SLC1A3: variants seen among roughly 807,000 people sequenced by gnomAD.
The protein encoded by SLC1A3 is excitatory amino acid transporter 1.
SLC1A3 carries 21 observed loss-of-function variants against 48.1 expected under a neutral mutation model. The observed-to-expected ratio is 0.44, with a 90% CI of 0.31 to 0.63. SLC1A3 has a LOEUF of 0.63. SLC1A3 is among the 20% of genes least tolerant of loss of function. The pLI, the probability that SLC1A3 is intolerant of heterozygous loss-of-function variation, is 0.08. For missense variants in SLC1A3, 546 were observed against 689.0 expected, an observed-to-expected ratio of 0.79 and a Z score of 2.32; for synonymous variants, 239 against 251.4, an observed-to-expected ratio of 0.95 and a Z score of 0.47.
At chr5:36,612,069 GCACA>G (rs528207853) in intron 2 of SLC1A3, among the ~76,000 whole-genome samples, 8 of 143,150 alleles carry the variant, frequency 5.6e-5, no homozygotes, top group South Asian at 2.2e-4. Context: ...TGGCGCACGC[GCACA>G]CACACACACA....
intron 3 of SLC1A3, chr5:36,668,928 C>G (rs1261825108): frequency 6.6e-6 from 1 of 152,212 alleles, no homozygotes; most frequent in Non-Finnish European, 1.5e-5. Context: ...GCCTTGACCA[C>G]TTAGCACTCT....
intron 2 of SLC1A3, among the ~76,000 whole-genome samples, chr5:36,624,464 G>A (rs189877416): frequency 1.2e-3 from 185 of 152,292 alleles, no homozygotes; most frequent in Non-Finnish European, 2.0e-3. Context: ...CTACTGTGGC[G>A]CCAGCCTGCC....
chr5:36,657,488 C>A (rs1741327282), intron 3 of SLC1A3, among the ~76,000 whole-genome samples: 1 of 151,784 alleles, frequency 6.6e-6, no homozygotes, highest in African/African-American at 2.4e-5. Context: ...GGTGAAGCAC[C>A]CTTATGTACT....
intron 1 of SLC1A3, among the ~76,000 whole-genome samples, chr5:36,597,309 C>G (rs982150692): frequency 1.8e-5 from 2 of 113,582 alleles, no homozygotes; most frequent in Non-Finnish European, 3.3e-5. Flanking sequence ...TGCAGTGGTG[C>G]GATCTCGGCT....
At chr5:36,634,603 AG>A (rs1353512229) in intron 3 of SLC1A3, among the ~76,000 whole-genome samples, 5 of 152,170 alleles carry the variant, frequency 3.3e-5, no homozygotes, top group African/African-American at 1.2e-4. Context: ...ATTTGTCCTT[AG>A]AAAACTCTAA....
intron 8 of SLC1A3, among the ~76,000 whole-genome samples, chr5:36,680,991 G>C (rs2111973127): frequency 6.6e-6 from 1 of 151,944 alleles, no homozygotes; most frequent in South Asian, 2.1e-4. Context: ...ACATAATCAA[G>C]AGGTGGGGAT....
chr5:36,671,777 G>T (rs1311270751), intron 4 of SLC1A3, among the ~76,000 whole-genome samples: 1 of 152,182 alleles, frequency 6.6e-6, no homozygotes, highest in Non-Finnish European at 1.5e-5. Flanking sequence ...AAAGAATAAA[G>T]GATGGCTTCT....
chr5:36,620,485 T>C (rs1456822921), intron 2 of SLC1A3, among the ~76,000 whole-genome samples: 4 of 152,180 alleles, frequency 2.6e-5, no homozygotes, highest in Admixed American at 2.6e-4. Context: ...TAGGCTACTA[T>C]GTTCAGGGAT....
chr5:36,612,385 A>T (rs1413044090), intron 2 of SLC1A3, among the ~76,000 whole-genome samples: 1 of 152,154 alleles, frequency 6.6e-6, no homozygotes, highest in Non-Finnish European at 1.5e-5. Context: ...TTCAAGATCA[A>T]TCTGGGTAAC....
intron 9 of SLC1A3, among the ~76,000 whole-genome samples, chr5:36,684,568 GC>G: frequency 6.6e-6 from 1 of 152,050 alleles, no homozygotes; most frequent in African/African-American, 2.4e-5. Flanking sequence ...CCATCCCTTC[GC>G]CCCCTTCCCT....
chr5:36,641,985 T>C (rs1334559644), intron 3 of SLC1A3, among the ~76,000 whole-genome samples: 1 of 152,328 alleles, frequency 6.6e-6, no homozygotes, highest in African/African-American at 2.4e-5. Context: ...ACTTCAAAGA[T>C]TTCAAGCCCT....
At chr5:36,639,218 GTTTC>G (rs1473681251) in intron 3 of SLC1A3, among the ~76,000 whole-genome samples, 1 of 151,882 alleles carries the variant, frequency 6.6e-6, no homozygotes, top group African/African-American at 2.4e-5. Flanking sequence ...CTCTGCCTCA[GTTTC>G]TTTATCTACA....
At chr5:36,599,527 T>TTTTTTTTTTTTTTG (rs397997372) in intron 1 of SLC1A3, among the ~76,000 whole-genome samples, 5 of 145,514 alleles carry the variant, frequency 3.4e-5, no homozygotes, top group African/African-American at 1.0e-4. Context: ...TTTTTTTTTT[T>TTTTTTTTTTTTTTG]GAGACGGAGT....
chr5:36,647,083 G>T (rs568106434), intron 3 of SLC1A3, among the ~76,000 whole-genome samples: 2 of 152,308 alleles, frequency 1.3e-5, no homozygotes, highest in South Asian at 4.1e-4. Context: ...TAGCCAAGAT[G>T]TATCTATTCT....
chr5:36,679,889 T>G (rs1321141574), intron 7 of SLC1A3, 29 bp downstream of exon 7: 1 of 1,520,646 alleles, frequency 6.6e-7, no homozygotes, highest in East Asian at 2.3e-5. Flanking sequence ...AAAATGAGTC[T>G]GAAATGTTAC....
chr5:36,634,684 G>C (rs766734986), intron 3 of SLC1A3, among the ~76,000 whole-genome samples: 1 of 151,956 alleles, frequency 6.6e-6, no homozygotes, highest in Non-Finnish European at 1.5e-5. Flanking sequence ...CACAACACCT[G>C]CCTCTCTGGT....
intron 3 of SLC1A3, among the ~76,000 whole-genome samples, chr5:36,649,504 A>G (rs1364067474): frequency 2.0e-5 from 3 of 152,236 alleles, no homozygotes; most frequent in African/African-American, 7.2e-5. Flanking sequence ...TTAAAAAGTG[A>G]CATAAAGCGT....
intron 2 of SLC1A3, 34 bp from the exon 3 acceptor site, chr5:36,629,416 T>A: frequency 6.3e-7 from 1 of 1,590,802 alleles, no homozygotes; most frequent in Non-Finnish European, 8.6e-7. Flanking sequence ...AAAGACTCAA[T>A]TTTTCTTTTT....
rs781439994 is a variant in SLC1A3, at chr5:36,608,593, C to T, written c.170C>T (p.Ala57Val). Reference sequence around the variant, plus strand: ...GCTTTTGTGCTGCTCACAGTCACCGCTGTCATTGTGGGTGAGTCATTTGAT... The same window carrying T: ...GCTTTTGTGCTGCTCACAGTCACCGTTGTCATTGTGGGTGAGTCATTTGAT... Reference protein sequence around the residue: ...RNAFVLLTVTAVIVGTILGFT... With the variant: ...RNAFVLLTVTVVIVGTILGFT... Residue 57 changes from alanine to valine, a missense_variant, in exon 2 of 10, where the codon GCT becomes GTT. By Grantham distance (64) the Ala-to-Val change is moderately conservative. This residue lies in a region of SLC1A3 where 348 missense variants were observed against 392.0 expected (regional missense o/e 0.89). Coordinates refer to ENST00000265113, the MANE Select transcript of SLC1A3 (RefSeq NM_004172.5). 1.9e-6 allele frequency: 3 copies of T among 1,612,904 alleles called. No homozygotes were observed. The African/African-American group carries it at 4.0e-5, about 22-fold the overall frequency.
Sources: gnomAD v4.1 joint callset for allele counts (sites outside exome capture counted in the v4.1 genomes callset) on GRCh38, gnomAD v4.1.1 for gene constraint, gnomAD v4.1.1 regional missense constraint, MANE v1.5 for transcripts, NCBI Gene and HGNC (gene_info 2026-07-23, HGNC 2026-07-21) for gene names.